Variants in KCND2 observed in about 807,000 individuals in gnomAD.
The protein encoded by KCND2 is potassium voltage-gated channel subfamily D member 2.
Under a neutral mutation model 54.4 loss-of-function variants are expected in KCND2, and 16 were observed. The ratio of observed to expected loss-of-function variants is 0.29; its 90% CI spans 0.20 to 0.45. The LOEUF (loss-of-function observed/expected upper bound fraction) is 0.45. Ranked by LOEUF, KCND2 falls within the 20% of genes least tolerant of loss-of-function variation. The pLI is 1.00. For missense variants in KCND2, 486 were observed against 824.2 expected, an observed-to-expected ratio of 0.59 and a Z score of 5.02; for synonymous variants, 317 against 310.7, an observed-to-expected ratio of 1.02 and a Z score of -0.21.
Position 120,590,553 on chromosome 7 carries a change from A to G in KCND2, c.1116-142350A>G, listed in dbSNP as rs544786562. On this transcript the variant is annotated intron_variant, in intron 1 of 5. Coordinates refer to ENST00000331113, the MANE Select transcript of KCND2 (RefSeq NM_012281.3). Reference sequence around the variant, plus strand: ...AGTGAAAATGTCACTGGATTTTCAGATTTACATTTTCTTTCATTAAATATA... The same window carrying G: ...AGTGAAAATGTCACTGGATTTTCAGGTTTACATTTTCTTTCATTAAATATA... 2.8e-4 allele frequency among the ~76,000 whole-genome samples: 43 copies of G among 152,298 alleles called. No homozygotes were observed. The South Asian group carries it at 8.3e-3, about 29-fold the overall frequency.
At chr7:120,666,237 G>C (rs917576293) in intron 1 of KCND2, among the ~76,000 whole-genome samples, 1 of 151,894 alleles carries the variant, frequency 6.6e-6, no homozygotes, top group Non-Finnish European at 1.5e-5. Flanking sequence ...GGACATTTGA[G>C]ATCTAAAGAA....
At chr7:120,558,992 A>ACT (rs1562872916) in intron 1 of KCND2, among the ~76,000 whole-genome samples, 2 of 81,800 alleles carry the variant, frequency 2.4e-5, no homozygotes, top group Admixed American at 1.4e-4. Context: ...TTCACAAAGT[A>ACT]CTGTGTGTGT....
chr7:120,657,076 A>C (rs1315027554), intron 1 of KCND2, among the ~76,000 whole-genome samples: 1 of 152,248 alleles, frequency 6.6e-6, no homozygotes, highest in Non-Finnish European at 1.5e-5. Context: ...GTAAAAAAAA[A>C]CAATTCTGTT....
At chr7:120,729,662 G>T (rs561230318) in intron 1 of KCND2, among the ~76,000 whole-genome samples, 14 of 152,176 alleles carry the variant, frequency 9.2e-5, no homozygotes, top group Non-Finnish European at 1.6e-4. Flanking sequence ...GAGCATAAAC[G>T]TGAGAGAAGA....
At chr7:120,553,130 T>C (rs1365524855) in intron 1 of KCND2, among the ~76,000 whole-genome samples, 1 of 152,190 alleles carries the variant, frequency 6.6e-6, no homozygotes, top group Non-Finnish European at 1.5e-5. Context: ...CAAAAGCCTG[T>C]ATTCTTTGAC....
At chr7:120,456,909 G>C (rs374659412) in intron 1 of KCND2, among the ~76,000 whole-genome samples, 5 of 152,178 alleles carry the variant, frequency 3.3e-5, no homozygotes, top group African/African-American at 1.2e-4. Context: ...GCAAACTTCT[G>C]CCTGGACATC....
rs1342241752 is a variant in KCND2, at chr7:120,274,192, A to G, written c.-441A>G. 2 of 192,172 alleles carry G rather than the reference A, an allele frequency of 1.0e-5. No homozygotes were observed. Among genetic ancestry groups the G allele is most frequent in the Non-Finnish European group, 2.2e-5 (2 of 91,864 alleles). The allele number at this position is 192,172 out of a possible 1,614,324, so 11.9% of individuals were successfully genotyped here. A position where few individuals can be genotyped will look rare whatever the true frequency, so the allele number is the denominator to read the frequency against. On this transcript the variant is annotated 5_prime_UTR_variant, in exon 1 of 6. Coordinates refer to ENST00000331113, the MANE Select transcript of KCND2 (RefSeq NM_012281.3). ...AGAAGGGTAGGTGTAAGGGTTCCCT[A>G]ATTCGTCGAAAGAATTCTATTGGGT...
At chr7:120,382,013 G>T (rs917124073) in intron 1 of KCND2, among the ~76,000 whole-genome samples, 2 of 150,838 alleles carry the variant, frequency 1.3e-5, no homozygotes, top group African/African-American at 4.8e-5. Context: ...TTACTTTATA[G>T]TTCTATCCAG....
chr7:120,649,897 A>C (rs1405591362), intron 1 of KCND2, among the ~76,000 whole-genome samples: 1 of 152,152 alleles, frequency 6.6e-6, no homozygotes, highest in African/African-American at 2.4e-5. Context: ...CTGGATGTGA[A>C]ATTCTGGGTT....
chr7:120,372,731 A>G (rs1023761478), intron 1 of KCND2, among the ~76,000 whole-genome samples: 1 of 151,890 alleles, frequency 6.6e-6, no homozygotes, highest in South Asian at 2.1e-4. Context: ...CTGTGAATAG[A>G]AATTCGTCTT....
At chr7:120,451,111 T>C (rs1350795134) in intron 1 of KCND2, among the ~76,000 whole-genome samples, 1 of 152,188 alleles carries the variant, frequency 6.6e-6, no homozygotes, top group Admixed American at 6.5e-5. Context: ...CCATTTGGTA[T>C]TTGAAGTAGG....
intron 1 of KCND2, among the ~76,000 whole-genome samples, chr7:120,418,235 T>C (rs1801552474): frequency 6.6e-6 from 1 of 152,142 alleles, no homozygotes; most frequent in South Asian, 2.1e-4. Context: ...TAAACAAGGA[T>C]ATATGCCTTT....
chr7:120,326,286 T>A (rs1799976173), intron 1 of KCND2, among the ~76,000 whole-genome samples: 1 of 152,156 alleles, frequency 6.6e-6, no homozygotes, highest in Non-Finnish European at 1.5e-5. Flanking sequence ...TAATACAGTT[T>A]ATTAATAAAT....
intron 1 of KCND2, among the ~76,000 whole-genome samples, chr7:120,452,817 C>T (rs1439430577): frequency 6.6e-6 from 1 of 152,164 alleles, no homozygotes; most frequent in Non-Finnish European, 1.5e-5. Flanking sequence ...TCACCATGTT[C>T]TCTAGGAGAC....
chr7:120,612,627 G>T (rs1201776136), intron 1 of KCND2, among the ~76,000 whole-genome samples: 2 of 152,070 alleles, frequency 1.3e-5, no homozygotes, highest in South Asian at 2.1e-4. Flanking sequence ...CACACACTAA[G>T]ATCCAAATAC....
chr7:120,490,756 A>G (rs995519549), intron 1 of KCND2, among the ~76,000 whole-genome samples: 2 of 152,124 alleles, frequency 1.3e-5, no homozygotes, highest in African/African-American at 4.8e-5. Flanking sequence ...AGGGATTGGG[A>G]GTGATTGGGT....
At chr7:120,574,742 G>GT (rs994738237) in intron 1 of KCND2, among the ~76,000 whole-genome samples, 4 of 151,606 alleles carry the variant, frequency 2.6e-5, no homozygotes, top group African/African-American at 7.3e-5. Flanking sequence ...ACCATTCTAG[G>GT]TTTTTTTTCT....
At chr7:120,645,920 C>T (rs1793437178) in intron 1 of KCND2, among the ~76,000 whole-genome samples, 1 of 152,202 alleles carries the variant, frequency 6.6e-6, no homozygotes, top group Admixed American at 6.5e-5. Context: ...AGTTATGTCT[C>T]CCTCTCCTTT....
chr7:120,595,464 T>A (rs551011495), intron 1 of KCND2, among the ~76,000 whole-genome samples: 4,773 of 124,722 alleles, frequency 0.038, 157 homozygotes, highest in African/African-American at 0.084. Flanking sequence ...AAAAAAAATA[T>A]ATATATATAT....
Sources: allele counts gnomAD v4.1 joint callset (sites outside exome capture counted in the v4.1 genomes callset), GRCh38; gene constraint gnomAD v4.1.1; transcripts MANE v1.5; gene names NCBI Gene and HGNC (gene_info 2026-07-23, HGNC 2026-07-21).